The following SLC37A3 variants were observed in gnomAD, a reference collection of about 807,000 sequenced individuals.
SLC37A3 encodes the protein sugar phosphate exchanger 3.
A neutral mutation model predicts 67.1 loss-of-function variants in SLC37A3; 51 were observed. That is an observed-to-expected ratio of 0.76 (90% CI 0.61 to 0.96). The LOEUF (loss-of-function observed/expected upper bound fraction) is 0.96, where lower values mean the gene tolerates loss of function less well. Among genes scored for constraint, SLC37A3 ranks in the 40% least tolerant of loss-of-function variants. SLC37A3 has a pLI of 0.00. For synonymous variants in SLC37A3, 214 were observed against 231.4 expected (o/e 0.92, Z 0.68); for missense variants, 508 against 603.0 (o/e 0.84, Z 1.65).
intron 7 of SLC37A3, 68 bp downstream of exon 7, chr7:140,355,600 A>C: frequency 7.5e-7 from 1 of 1,337,382 alleles, no homozygotes; most frequent in South Asian, 1.2e-5. Context: ...TATTTAATAC[A>C]TAAAAAGCAA....
At chr7:140,338,522 A>C (rs1796232875) in intron 13 of SLC37A3, among the ~76,000 whole-genome samples, 1 of 152,094 alleles carries the variant, frequency 6.6e-6, no homozygotes, top group Admixed American at 6.5e-5. Flanking sequence ...CCTAGGCTGG[A>C]GTGCAGTGGG....
At chr7:140,355,616 A>G (rs1796991519) in intron 7 of SLC37A3, 52 bp downstream of exon 7, 1 of 1,451,088 alleles carries the variant, frequency 6.9e-7, no homozygotes, top group Admixed American at 1.7e-5. Flanking sequence ...AGCAATACAC[A>G]TGTGCACACA....
chr7:140,348,463 T>TTTTC (rs1491102713), intron 10 of SLC37A3, 163 bp downstream of exon 10: 51 of 68,564 alleles, frequency 7.4e-4, no homozygotes, highest in African/African-American at 2.6e-3. Flanking sequence ...TTTTCTTTTC[T>TTTTC]TTTTTTTTTT....
chr7:140,343,010 G>A (rs6948019), intron 13 of SLC37A3, among the ~76,000 whole-genome samples: 44,336 of 152,026 alleles, frequency 0.29, 6,795 homozygotes, highest in Middle Eastern at 0.45. Flanking sequence ...ATGCAGTAGA[G>A]TGTCTGGGAG....
chr7:140,380,460 A>C lies in SLC37A3; in HGVS notation c.90-70T>G, dbSNP rs181201796. On this transcript the variant is annotated intron_variant, in intron 2 of 14. Transcript: ENST00000326232. ...CAGCATTCAATAAAATCACAGGTATAGGCCCATTTCTTTTATTCAATTTTA... is the reference window on the plus strand; with the variant it reads ...CAGCATTCAATAAAATCACAGGTATCGGCCCATTTCTTTTATTCAATTTTA... The C allele has an allele frequency of 2.4e-4, 266 of 1,089,618 alleles. No homozygotes were observed. The East Asian group carries it at 6.4e-3, about 26-fold the overall frequency. 67.5% of individuals were successfully genotyped at this position (1,089,618 alleles called of 1,614,324 possible). A position where few individuals can be genotyped will look rare whatever the true frequency, so the allele number is the denominator to read the frequency against.
Position 140,358,662 on chromosome 7 carries a change from C to T in SLC37A3, c.499G>A (p.Gly167Ser), listed in dbSNP as rs1797134006. 6.2e-7 allele frequency: 1 copy of T among 1,613,914 alleles called. No homozygotes were observed. Among genetic ancestry groups the T allele is most frequent in the African/African-American group, 1.3e-5 (1 of 74,890 alleles). The part of the protein sequence containing the change: ...TGWPCVVAVM[G>S]NWFGKAGRGV... ...TACCCGGCTTTCCCAAACCAGTTGC[C>T]CATAACAGCAACCACACAGGGCCAA... The change falls in exon 6 of 15, where the codon GGC becomes AGC. Residue 167 changes from glycine to serine, a missense_variant. Coordinates refer to ENST00000326232, the MANE Select transcript of SLC37A3 (RefSeq NM_207113.3).
chr7:140,363,697 A>T (rs1364775819), intron 5 of SLC37A3, among the ~76,000 whole-genome samples: 36 of 103,700 alleles, frequency 3.5e-4, no homozygotes, highest in Middle Eastern at 8.8e-3. Flanking sequence ...CAATAAAAAA[A>T]AAATAAATAA....
chr7:140,358,058 G>A (rs13233309), intron 6 of SLC37A3, among the ~76,000 whole-genome samples: 62,780 of 151,752 alleles, frequency 0.41, 13,309 homozygotes, highest in Non-Finnish European at 0.46. Flanking sequence ...CCTGGTGACA[G>A]AGCAAGACTC....
At chr7:140,359,457 G>A (rs991210419) in intron 5 of SLC37A3, among the ~76,000 whole-genome samples, 1 of 152,128 alleles carries the variant, frequency 6.6e-6, no homozygotes, top group African/African-American at 2.4e-5. Flanking sequence ...AGGACAGAAC[G>A]AGCCCAGGGA....
At position 140,375,705 on chromosome 7, in the gene SLC37A3, A is replaced by G. The variant is rs1798006988; in HGVS notation, c.198+4577T>C. On this transcript the variant is annotated intron_variant, in intron 3 of 14. Transcript: ENST00000326232. The stretch of plus-strand genomic sequence containing the variant: ...CTTTAACAAAAAATAAAATCCCCAA[A>G]TCATAAACAAATAATAAAGTGTGAT... 2.6e-5 allele frequency among the ~76,000 whole-genome samples: 4 copies of G among 152,298 alleles called. No individual in the cohort carries two copies. In the South Asian group the frequency reaches 8.3e-4, roughly 32 times the overall value.
chr7:140,350,041 T>A (rs934928681), intron 9 of SLC37A3, among the ~76,000 whole-genome samples: 21 of 152,200 alleles, frequency 1.4e-4, no homozygotes, highest in African/African-American at 5.1e-4. Flanking sequence ...TTGGAGGCAC[T>A]GACAGAAGGG....
At chr7:140,396,518 C>T (rs1044831230) in intron 1 of SLC37A3, among the ~76,000 whole-genome samples, 1 of 152,160 alleles carries the variant, frequency 6.6e-6, no homozygotes, top group African/African-American at 2.4e-5. Flanking sequence ...TCCAAAACCA[C>T]ATTCTTCCTC....
intron 1 of SLC37A3, among the ~76,000 whole-genome samples, chr7:140,387,686 T>TAAA (rs1798516383): frequency 9.1e-6 from 1 of 109,512 alleles, no homozygotes; most frequent in African/African-American, 3.7e-5. Context: ...TATAAATATA[T>TAAA]TATATATATT....
At chr7:140,342,653 G>A (rs964264370) in intron 13 of SLC37A3, among the ~76,000 whole-genome samples, 2 of 148,956 alleles carry the variant, frequency 1.3e-5, no homozygotes, top group African/African-American at 5.0e-5. Flanking sequence ...AGAAATATCT[G>A]TCCCAGAGAA....
intron 13 of SLC37A3, among the ~76,000 whole-genome samples, chr7:140,339,781 G>A (rs540718023): frequency 4.7e-4 from 71 of 150,860 alleles, no homozygotes; most frequent in African/African-American, 1.7e-3. Flanking sequence ...CTGTCACCCA[G>A]GCTGGAGTGC....
chr7:140,360,346 T>A (rs1797215717), intron 5 of SLC37A3, among the ~76,000 whole-genome samples: 2 of 151,724 alleles, frequency 1.3e-5, no homozygotes, highest in South Asian at 4.2e-4. Flanking sequence ...TCTAAAAAAA[T>A]AATAATCATA....
At chr7:140,347,013 C>T (rs1180161270) in intron 10 of SLC37A3, among the ~76,000 whole-genome samples, 1 of 152,094 alleles carries the variant, frequency 6.6e-6, no homozygotes, top group African/African-American at 2.4e-5. Context: ...GTAATCCCAG[C>T]ACTCTGGGAG....
chr7:140,339,878 A>AG (rs140010030), intron 13 of SLC37A3, among the ~76,000 whole-genome samples: 7,632 of 151,502 alleles, frequency 0.05, 207 homozygotes, highest in Non-Finnish European at 0.071. Context: ...CTGGGACCAC[A>AG]GGCACCCGCC....
intron 1 of SLC37A3, among the ~76,000 whole-genome samples, chr7:140,386,617 C>G (rs1798462234): frequency 6.6e-6 from 1 of 152,112 alleles, no homozygotes; most frequent in Non-Finnish European, 1.5e-5. Flanking sequence ...CTCTTTACCA[C>G]TCTAAATACA....
Sources: allele counts gnomAD v4.1 joint callset (sites outside exome capture counted in the v4.1 genomes callset), GRCh38; gene constraint gnomAD v4.1.1; transcripts MANE v1.5; gene names NCBI Gene and HGNC (gene_info 2026-07-23, HGNC 2026-07-21).